The following PHKB variants were observed in gnomAD, a reference collection of about 807,000 sequenced individuals.
The protein encoded by PHKB is phosphorylase kinase regulatory subunit beta, also known as phosphorylase b kinase regulatory subunit beta.
PHKB carries 122 observed loss-of-function variants against 152.1 expected under a neutral mutation model. The observed-to-expected ratio is 0.80, with a 90% confidence interval of 0.69 to 0.93. PHKB has a LOEUF of 0.93. Among genes scored for constraint, PHKB ranks in the 40% least tolerant of loss-of-function variants. The pLI is 0.00. For missense variants in PHKB, 1,304 were observed against 1,328.4 expected, an observed-to-expected ratio of 0.98 and a Z score of 0.29; for synonymous variants, 436 against 464.9, an observed-to-expected ratio of 0.94 and a Z score of 0.80.
intron 1 of PHKB, among the ~76,000 whole-genome samples, chr16:47,488,092 C>A (rs1970080445): frequency 6.6e-6 from 1 of 152,136 alleles, no homozygotes; most frequent in South Asian, 2.1e-4. Flanking sequence ...GCAGCTTTGC[C>A]AGCATCTGTT....
chr16:47,521,180 T>C (rs1278293667), intron 6 of PHKB, among the ~76,000 whole-genome samples: 1 of 152,238 alleles, frequency 6.6e-6, no homozygotes, highest in Non-Finnish European at 1.5e-5. Context: ...GAATATTATG[T>C]CATTTGCATA....
chr16:47,574,053 G>A (rs1046534139), intron 7 of PHKB, among the ~76,000 whole-genome samples: 4 of 152,166 alleles, frequency 2.6e-5, no homozygotes, highest in Non-Finnish European at 5.9e-5. Flanking sequence ...CTGAGTAGCT[G>A]AGATTACAGG....
intron 7 of PHKB, chr16:47,566,708 A>G (rs1971573708): frequency 1.0e-5 from 8 of 783,480 alleles, no homozygotes; most frequent in Admixed American, 5.2e-5. Flanking sequence ...GAGGTGCCCT[A>G]TACACATCTT....
Position 47,588,912 on chromosome 16 carries a change from A to C in PHKB, c.878A>C (p.Asp293Ala), listed in dbSNP as rs1456264804. ...CTTTCTCATTGCCTCCAGAATACAG[A>C]TGCTGCCCTGCTCCCCTGCATCAGT... ...LPRESRSHNTDAALLPCISYP... is the reference protein window; with the variant it reads ...LPRESRSHNTAAALLPCISYP... Residue 293 changes from aspartate to alanine, a missense_variant, in exon 10 of 31, where the codon GAT becomes GCT. Asp to Ala is a moderately radical substitution (Grantham distance 126). Transcript: ENST00000323584. 6 of 1,613,668 alleles carry C rather than the reference A, an allele frequency of 3.7e-6. No individual in the cohort carries two copies. Among genetic ancestry groups the C allele is most frequent in the Non-Finnish European group, 5.1e-6 (6 of 1,179,686 alleles).
intron 6 of PHKB, among the ~76,000 whole-genome samples, chr16:47,530,988 C>A (rs370164805): frequency 2.0e-5 from 3 of 152,026 alleles, no homozygotes; most frequent in Non-Finnish European, 4.4e-5. Flanking sequence ...CTGTAAAATA[C>A]ACAAGGTGAT....
At chr16:47,575,843 G>A (rs183095844) in intron 7 of PHKB, among the ~76,000 whole-genome samples, 172 of 152,260 alleles carry the variant, frequency 1.1e-3, no homozygotes, top group South Asian at 2.9e-3. Flanking sequence ...TTGGGAGGCC[G>A]AGACAGGCGG....
intron 20 of PHKB, among the ~76,000 whole-genome samples, chr16:47,657,712 T>C (rs1033216432): frequency 6.6e-6 from 1 of 152,192 alleles, no homozygotes; most frequent in African/African-American, 2.4e-5. Context: ...TGAATTAGAA[T>C]ATAAGGGTGA....
chr16:47,592,192 T>C (rs1248533784), intron 10 of PHKB, among the ~76,000 whole-genome samples: 10 of 152,248 alleles, frequency 6.6e-5, no homozygotes, highest in Admixed American at 6.5e-4. Flanking sequence ...GAATTCCAGC[T>C]GGTCCTGTTT....
intron 12 of PHKB, among the ~76,000 whole-genome samples, chr16:47,595,913 G>T (rs140480115): frequency 2.6e-5 from 4 of 152,164 alleles, no homozygotes; most frequent in Admixed American, 2.6e-4. Context: ...GTTGCCTCCT[G>T]TATAAGAATT....
chr16:47,626,492 A>T (rs1471890995), intron 14 of PHKB, among the ~76,000 whole-genome samples: 1 of 152,238 alleles, frequency 6.6e-6, no homozygotes, highest in African/African-American at 2.4e-5. Context: ...TTCACACTGT[A>T]ATAACTGCAC....
intron 13 of PHKB, among the ~76,000 whole-genome samples, chr16:47,605,108 A>AAAG (rs1243126636): frequency 6.6e-6 from 1 of 152,214 alleles, no homozygotes; most frequent in East Asian, 1.9e-4. Flanking sequence ...GATATTTCTC[A>AAAG]CATTTACCAT....
chr16:47,578,739 C>T (rs1971791195), intron 7 of PHKB, among the ~76,000 whole-genome samples: 1 of 152,128 alleles, frequency 6.6e-6, no homozygotes, highest in Non-Finnish European at 1.5e-5. Context: ...TCTGACACCA[C>T]CATGACTAAG....
chr16:47,537,107 C>T lies in PHKB; in HGVS notation c.595-10326C>T, dbSNP rs180846724. ...AATTGTAATACTCTGTCAGAATTCA[C>T]GAAACTTTTTTGATTAAAGAAGCAA... On this transcript the variant is annotated intron_variant, in intron 6 of 30. Coordinates refer to ENST00000323584, the MANE Select transcript of PHKB (RefSeq NM_000293.3). Among the ~76,000 whole-genome samples, 57 of 152,238 alleles carry T rather than the reference C, an allele frequency of 3.7e-4. No homozygotes were observed. The East Asian group carries it at 0.011, about 29-fold the overall frequency.
chr16:47,680,839 C>T (rs1310520986), intron 26 of PHKB, among the ~76,000 whole-genome samples: 3 of 152,068 alleles, frequency 2.0e-5, no homozygotes, highest in Non-Finnish European at 2.9e-5. Context: ...TCTTGCTTTT[C>T]TAGTTCTTTT....
chr16:47,506,701 A>G (rs573440454), intron 4 of PHKB, among the ~76,000 whole-genome samples: 1 of 152,346 alleles, frequency 6.6e-6, no homozygotes, highest in Non-Finnish European at 1.5e-5. Flanking sequence ...CTAATAATGT[A>G]TTAGTTTAAG....
At chr16:47,689,676 C>T (rs774013780) in intron 27 of PHKB, among the ~76,000 whole-genome samples, 1 of 152,164 alleles carries the variant, frequency 6.6e-6, no homozygotes, top group African/African-American at 2.4e-5. Flanking sequence ...ACTTGAAGAA[C>T]TTTTTTATTA....
intron 7 of PHKB, chr16:47,566,329 C>A (rs1200996): frequency 1 from 1,325,044 of 1,325,602 alleles, 662,243 homozygotes; most frequent in East Asian, 1. Context: ...TCATAATCCC[C>A]ATTTCTATCA....
At chr16:47,523,808 G>A (rs576763624) in intron 6 of PHKB, among the ~76,000 whole-genome samples, 1 of 152,180 alleles carries the variant, frequency 6.6e-6, no homozygotes, top group African/African-American at 2.4e-5. Context: ...ATCTATGTGA[G>A]CTCTGAGGTC....
chr16:47,582,989 G>A (rs533650317), intron 8 of PHKB, among the ~76,000 whole-genome samples: 1 of 152,248 alleles, frequency 6.6e-6, no homozygotes, highest in East Asian at 1.9e-4. Context: ...TAGAGGTGGG[G>A]TTTCACCACG....
Sources: allele counts gnomAD v4.1 joint callset (sites outside exome capture counted in the v4.1 genomes callset), GRCh38; gene constraint gnomAD v4.1.1; transcripts MANE v1.5; gene names NCBI Gene and HGNC (gene_info 2026-07-23, HGNC 2026-07-21).